Variants in UBE2D2 observed in about 807,000 individuals in gnomAD.
UBE2D2 encodes ubiquitin conjugating enzyme E2 D2.
Under a neutral mutation model 24.2 loss-of-function variants are expected in UBE2D2, and 2 were observed. The ratio of observed to expected loss-of-function variants is 0.08; its 90% confidence interval spans 0.03 to 0.26. The LOEUF is 0.26. Ranked by LOEUF, UBE2D2 falls within the 10% of genes least tolerant of loss-of-function variation. The probability of loss-of-function intolerance (pLI) is 1.00; values close to 1 mark genes in which losing one functional copy is unlikely to be tolerated. For synonymous variants in UBE2D2, 58 were observed against 56.5 expected (o/e 1.03, Z -0.12); for missense variants, 44 against 177.6 (o/e 0.25, Z 4.28).
At chr5:139,592,596 C>CTTT (rs34558950) in intron 1 of UBE2D2, among the ~76,000 whole-genome samples, 47 of 104,896 alleles carry the variant, frequency 4.5e-4, no homozygotes, top group East Asian at 5.3e-4. Flanking sequence ...GTTCAGTAAT[C>CTTT]TTTTTTTTTT....
chr5:139,552,613 AT>A (rs1380726791), intron 1 of UBE2D2, among the ~76,000 whole-genome samples: 1 of 137,510 alleles, frequency 7.3e-6, no homozygotes, highest in African/African-American at 2.8e-5. Context: ...GGATCAAGTG[AT>A]TCTCCTGCCT....
intron 1 of UBE2D2, among the ~76,000 whole-genome samples, chr5:139,578,580 G>A (rs183211658): frequency 2.4e-4 from 36 of 152,096 alleles, no homozygotes; most frequent in African/African-American, 8.7e-4. Flanking sequence ...AGCCTTTCCA[G>A]TAGCTGGGAC....
At chr5:139,575,660 C>G (rs187155373) in intron 1 of UBE2D2, among the ~76,000 whole-genome samples, 1 of 152,300 alleles carries the variant, frequency 6.6e-6, no homozygotes, top group East Asian at 1.9e-4. Context: ...AACCCCACCA[C>G]CTGTAATGCA....
intron 1 of UBE2D2, among the ~76,000 whole-genome samples, chr5:139,567,646 G>A (rs1753259736): frequency 6.8e-6 from 1 of 147,580 alleles, no homozygotes; most frequent in Non-Finnish European, 1.5e-5. Context: ...CCATTCTCCT[G>A]CCTCAGTCTC....
At chr5:139,589,039 C>T (rs774795561) in intron 1 of UBE2D2, among the ~76,000 whole-genome samples, 7 of 152,140 alleles carry the variant, frequency 4.6e-5, no homozygotes, top group Non-Finnish European at 7.4e-5. Context: ...AGCTATCCTC[C>T]CTTGGCCTCC....
chr5:139,567,703 T>C (rs1486408060), intron 1 of UBE2D2, among the ~76,000 whole-genome samples: 1 of 151,562 alleles, frequency 6.6e-6, no homozygotes, highest in African/African-American at 2.4e-5. Context: ...CCAGCTACTT[T>C]TTGTATTTTC....
At chr5:139,590,669 G>C (rs1011917023) in intron 1 of UBE2D2, among the ~76,000 whole-genome samples, 2 of 151,380 alleles carry the variant, frequency 1.3e-5, no homozygotes, top group Admixed American at 6.6e-5. Flanking sequence ...TATATTTAGG[G>C]TATTAATCAG....
chr5:139,557,315 T>C (rs1752992950), upstream of UBE2D2, among the ~76,000 whole-genome samples: 1 of 151,676 alleles, frequency 6.6e-6, no homozygotes, highest in Non-Finnish European at 1.5e-5. Context: ...TATTTTTTTT[T>C]AGTAGAGACA....
chr5:139,613,715 T>A (rs1354306867), intron 2 of UBE2D2, among the ~76,000 whole-genome samples: 1 of 152,208 alleles, frequency 6.6e-6, no homozygotes, highest in Admixed American at 6.5e-5. Flanking sequence ...TTTTTTCTCC[T>A]TGTTAAAACC....
chr5:139,526,985 T>C (rs1752548679), intron 1 of UBE2D2, among the ~76,000 whole-genome samples: 1 of 152,148 alleles, frequency 6.6e-6, no homozygotes, highest in South Asian at 2.1e-4. Flanking sequence ...ATGTGTGGTG[T>C]GAGCATGGTA....
At chr5:139,571,883 C>T (rs1269446219) in intron 1 of UBE2D2, among the ~76,000 whole-genome samples, 1 of 151,550 alleles carries the variant, frequency 6.6e-6, no homozygotes, top group African/African-American at 2.4e-5. Context: ...AATCTCTTCT[C>T]CACTAACTCC....
intron 1 of UBE2D2, among the ~76,000 whole-genome samples, chr5:139,552,290 G>A (rs1323146171): frequency 1.3e-5 from 2 of 151,608 alleles, no homozygotes; most frequent in Admixed American, 6.6e-5. Context: ...AGTCTCCCGC[G>A]CAGCTGGGAT....
intron 1 of UBE2D2, among the ~76,000 whole-genome samples, chr5:139,578,631 T>G (rs963623668): frequency 6.6e-6 from 1 of 152,018 alleles, no homozygotes; most frequent in African/African-American, 2.4e-5. Flanking sequence ...TAAAAAAATT[T>G]TTGTAGAGAT....
intron 1 of UBE2D2, among the ~76,000 whole-genome samples, chr5:139,574,085 CT>C (rs913940070): frequency 1.2e-3 from 169 of 144,552 alleles, no homozygotes; most frequent in Non-Finnish European, 1.3e-3. Flanking sequence ...TAACTTCTCT[CT>C]TTTTTTTTTT....
At chr5:139,612,038 G>C (rs1234711142) in intron 2 of UBE2D2, 1 of 158,912 alleles carries the variant, frequency 6.3e-6, no homozygotes, top group Non-Finnish European at 1.4e-5. Context: ...ATGCTAGCTG[G>C]ATGTCTTTTG....
At chr5:139,622,393 C>T (rs1754528396) in intron 5 of UBE2D2, among the ~76,000 whole-genome samples, 1 of 151,070 alleles carries the variant, frequency 6.6e-6, no homozygotes, top group African/African-American at 2.4e-5. Context: ...TACAGGCACA[C>T]ACCACCACGC....
At chr5:139,602,729 G>A (rs1466738621) in intron 2 of UBE2D2, among the ~76,000 whole-genome samples, 1 of 151,988 alleles carries the variant, frequency 6.6e-6, no homozygotes, top group East Asian at 1.9e-4. Flanking sequence ...GAATGTGTCT[G>A]GTCTGCTAAA....
chr5:139,600,130 T>C, intron 1 of UBE2D2: 1 of 550,792 alleles, frequency 1.8e-6, no homozygotes, highest in Non-Finnish European at 3.3e-6. Context: ...ACCTTCCTGA[T>C]TGTATTTATT....
At chr5:139,574,030 A>G (rs1171640662) in intron 1 of UBE2D2, among the ~76,000 whole-genome samples, 1 of 151,910 alleles carries the variant, frequency 6.6e-6, no homozygotes, top group African/African-American at 2.4e-5. Context: ...TCAATTGGGA[A>G]TGAGTACACT....
Sources: allele counts gnomAD v4.1 joint callset (sites outside exome capture counted in the v4.1 genomes callset), GRCh38; gene constraint gnomAD v4.1.1; transcripts MANE v1.5; gene names NCBI Gene and HGNC (gene_info 2026-07-23, HGNC 2026-07-21).